Variants in SDK1 observed in about 807,000 individuals in gnomAD.
SDK1 encodes sidekick cell adhesion molecule 1.
Under a neutral mutation model 245.5 loss-of-function variants are expected in SDK1, and 157 were observed. That is an observed-to-expected ratio of 0.64 (90% CI 0.56 to 0.73). The LOEUF (loss-of-function observed/expected upper bound fraction) is 0.73. Ranked by LOEUF, SDK1 falls within the 30% of genes least tolerant of loss-of-function variation. The pLI is 0.00. For synonymous variants in SDK1, 1,647 were observed against 1,278.5 expected, an observed-to-expected ratio of 1.29 and a Z score of -6.15; for missense variants, 3,583 against 3,002.3, an observed-to-expected ratio of 1.19 and a Z score of -4.52.
At chr7:3,411,283 G>C (rs1190352750) in intron 1 of SDK1, among the ~76,000 whole-genome samples, 2 of 152,154 alleles carry the variant, frequency 1.3e-5, no homozygotes, top group Non-Finnish European at 2.9e-5. Flanking sequence ...AGTGCTGCAT[G>C]GAGGTCATTG....
intron 7 of SDK1, chr7:3,957,907 C>G (rs948500044): frequency 2.6e-5 from 12 of 462,550 alleles, no homozygotes; most frequent in Middle Eastern, 3.3e-4. Flanking sequence ...CAGGCAGATT[C>G]TTTCTGCTTG....
intron 2 of SDK1, among the ~76,000 whole-genome samples, chr7:3,625,345 CTTATAAG>C (rs1418969621): frequency 2.6e-5 from 4 of 152,278 alleles, no homozygotes; most frequent in African/African-American, 7.2e-5. Context: ...TTTGCTTAAT[CTTATAAG>C]TTAAAAGGTA....
intron 32 of SDK1, among the ~76,000 whole-genome samples, chr7:4,166,070 T>A (rs1040192063): frequency 2.0e-5 from 3 of 152,230 alleles, no homozygotes; most frequent in African/African-American, 7.2e-5. Flanking sequence ...ATTACAGGTA[T>A]GAGCCACTGC....
chr7:4,145,826 G>C lies in SDK1; in HGVS notation c.4333G>C (p.Glu1445Gln). The C allele has an allele frequency of 6.2e-7, 1 of 1,613,882 alleles. No individual in the cohort carries two copies. Among genetic ancestry groups the C allele is most frequent in the Non-Finnish European group, 8.5e-7 (1 of 1,179,938 alleles). ...GTTCACAGCCACCGACCTGGCCCCG[G>C]AGTCCGCATACATCTTCAGGCTGTC... ...RQFTATDLAP[E>Q]SAYIFRLSAK... Residue 1445 changes from glutamate (E) to glutamine (Q), a missense_variant, in exon 29 of 45, where the codon GAG becomes CAG. Transcript: ENST00000404826.
chr7:4,178,170 A>C (rs979941833), intron 34 of SDK1, among the ~76,000 whole-genome samples: 4 of 152,184 alleles, frequency 2.6e-5, no homozygotes, highest in Admixed American at 6.5e-5. Context: ...CTAACAGGCT[A>C]TGGCTAGTGG....
intron 1 of SDK1, among the ~76,000 whole-genome samples, chr7:3,484,611 T>A (rs952102156): frequency 6.6e-6 from 1 of 152,164 alleles, no homozygotes; most frequent in Non-Finnish European, 1.5e-5. Flanking sequence ...CTTATTCCTT[T>A]CCTCTAACTG....
chr7:4,065,339 T>C (rs1270705279), intron 19 of SDK1, among the ~76,000 whole-genome samples: 1 of 152,136 alleles, frequency 6.6e-6, no homozygotes, highest in Non-Finnish European at 1.5e-5. Flanking sequence ...TGAGAAGTTG[T>C]TGGGAGAGGG....
intron 20 of SDK1, among the ~76,000 whole-genome samples, chr7:4,074,844 C>G (rs1349401594): frequency 7.3e-6 from 1 of 136,696 alleles, no homozygotes; most frequent in Non-Finnish European, 1.5e-5. Context: ...GCCTGGGCAA[C>G]AGAGCAAGAC....
chr7:3,528,883 C>A (rs1783244503), intron 1 of SDK1, among the ~76,000 whole-genome samples: 1 of 152,088 alleles, frequency 6.6e-6, no homozygotes, highest in Non-Finnish European at 1.5e-5. Flanking sequence ...TGGGCTCTTC[C>A]TGATCTCCTT....
chr7:3,872,611 G>T (rs1780984968), intron 5 of SDK1, among the ~76,000 whole-genome samples: 1 of 146,636 alleles, frequency 6.8e-6, no homozygotes, highest in Non-Finnish European at 1.5e-5. Flanking sequence ...TGTGATATCA[G>T]CAGTGATACC....
Position 3,642,116 on chromosome 7 carries a change from C to A in SDK1, c.713+11C>A. 1 of 1,612,922 alleles carries A rather than the reference C, an allele frequency of 6.2e-7. No homozygotes were observed. The highest frequency in any genetic ancestry group is 1.1e-5 in the South Asian group (1 of 90,986). Reference sequence around the variant, plus strand: ...TCCAAGCAACAGAATGTAAGTTGCTCCAAACGTTAAAGCTTCAAATACAAT... The same window carrying A: ...TCCAAGCAACAGAATGTAAGTTGCTACAAACGTTAAAGCTTCAAATACAAT... On this transcript the variant is annotated intron_variant, in intron 4 of 44. Coordinates refer to ENST00000404826, the MANE Select transcript of SDK1 (RefSeq NM_152744.4).
chr7:4,000,848 G>T (rs1237692566), intron 14 of SDK1, among the ~76,000 whole-genome samples: 1 of 152,164 alleles, frequency 6.6e-6, no homozygotes, highest in Non-Finnish European at 1.5e-5. Flanking sequence ...AGCCTCCCAT[G>T]CATAGCATTT....
At chr7:4,262,424 C>T (rs73303726) in intron 44 of SDK1, among the ~76,000 whole-genome samples, 4,697 of 151,624 alleles carry the variant, frequency 0.031, 252 homozygotes, top group African/African-American at 0.11. Context: ...CATGCAGGGT[C>T]CATGTTCTTA....
At chr7:3,648,724 AATTTTAT>A (rs1782921928) in intron 4 of SDK1, among the ~76,000 whole-genome samples, 1 of 152,228 alleles carries the variant, frequency 6.6e-6, no homozygotes, top group Non-Finnish European at 1.5e-5. Context: ...GTGCTTTTAA[AATTTTAT>A]ATTTTATAGG....
Position 4,220,214 on chromosome 7 carries a change from G to A in SDK1, c.5645G>A (p.Arg1882Gln), listed in dbSNP as rs147967410. The A allele has an allele frequency of 3.0e-5, 49 of 1,613,986 alleles. No homozygotes were observed. Among genetic ancestry groups the A allele is most frequent in the East Asian group, 1.3e-4 (6 of 44,844 alleles). The part of the protein sequence containing the change: ...GVTYFFRVQA[R>Q]TITYGPELQA... Reference sequence around the variant, plus strand: ...ACCTATTTCTTCCGTGTCCAAGCGCGGACCATCACCTACGGGCCCGAGCTC... The same window carrying A: ...ACCTATTTCTTCCGTGTCCAAGCGCAGACCATCACCTACGGGCCCGAGCTC... The change falls in exon 39 of 45, where the codon CGG (arginine) becomes CAG (glutamine). Residue 1882 changes from arginine (R) to glutamine (Q), a missense_variant. Physicochemically the swap from Arg to Gln is conservative, Grantham distance 43 (BLOSUM62 1). Transcript: ENST00000404826.
intron 5 of SDK1, among the ~76,000 whole-genome samples, chr7:3,852,679 A>T (rs1397679687): frequency 7.3e-6 from 1 of 136,516 alleles, no homozygotes; most frequent in Non-Finnish European, 1.5e-5. Context: ...GGAACCCGGG[A>T]GGCAGAGGTT....
intron 35 of SDK1, among the ~76,000 whole-genome samples, chr7:4,188,903 C>G (rs1783036711): frequency 1.3e-5 from 2 of 152,194 alleles, no homozygotes; most frequent in Admixed American, 6.5e-5. Flanking sequence ...GTTCCACAGA[C>G]ATCTTTACTG....
Position 3,301,576 on chromosome 7 carries a change from G to A in SDK1, c.-11G>A. 3 of 952,182 alleles carry A rather than the reference G, an allele frequency of 3.2e-6. No individual in the cohort carries two copies. The highest frequency in any genetic ancestry group is 3.7e-6 in the Non-Finnish European group (3 of 803,562). The allele number at this position is 952,182 out of a possible 1,614,324, so 59.0% of individuals were successfully genotyped here. A position where few individuals can be genotyped will look rare whatever the true frequency, so the allele number is the denominator to read the frequency against. Reference sequence around the variant, plus strand: ...CGTCCGGCGCGGCGCTCGGGGTGGCGGCTGCTCGGCATGGCCCGGGGCGCC... The same window carrying A: ...CGTCCGGCGCGGCGCTCGGGGTGGCAGCTGCTCGGCATGGCCCGGGGCGCC... On this transcript the variant is annotated 5_prime_UTR_variant, in exon 1 of 45. Transcript: ENST00000404826.
At chr7:3,878,697 C>G (rs775935694) in intron 5 of SDK1, among the ~76,000 whole-genome samples, 2 of 152,162 alleles carry the variant, frequency 1.3e-5, no homozygotes, top group African/African-American at 2.4e-5. Flanking sequence ...TTAGAGGGTT[C>G]GAAGAGGAAG....
Sources: gnomAD v4.1 joint callset for allele counts (sites outside exome capture counted in the v4.1 genomes callset) on GRCh38, gnomAD v4.1.1 for gene constraint, MANE v1.5 for transcripts, NCBI Gene and HGNC (gene_info 2026-07-23, HGNC 2026-07-21) for gene names.